Variants in GRM5 observed in about 807,000 individuals in gnomAD.
GRM5 encodes metabotropic glutamate receptor 5.
Under a neutral mutation model 83.1 loss-of-function variants are expected in GRM5, and 19 were observed. The observed-to-expected ratio is 0.23, with a 90% CI of 0.16 to 0.34. The LOEUF (loss-of-function observed/expected upper bound fraction) is 0.34, where lower values mean the gene tolerates loss of function less well. Ranked by LOEUF, GRM5 falls within the 10% of genes least tolerant of loss-of-function variation. The probability of loss-of-function intolerance (pLI) is 1.00; values close to 1 mark genes in which losing one functional copy is unlikely to be tolerated. For missense variants in GRM5, 1,160 were observed against 1,588.3 expected, an observed-to-expected ratio of 0.73 and a Z score of 4.58; for synonymous variants, 675 against 633.6, an observed-to-expected ratio of 1.07 and a Z score of -0.98.
chr11:88,600,621 C>CT (rs570695391), intron 5 of GRM5, among the ~76,000 whole-genome samples: 107 of 152,012 alleles, frequency 7.0e-4, no homozygotes, highest in Non-Finnish European at 1.2e-3. Flanking sequence ...TTAAGGTAAA[C>CT]TAGAGAAAGT....
At chr11:88,574,772 A>C (rs1453968698) in intron 7 of GRM5, among the ~76,000 whole-genome samples, 1 of 152,124 alleles carries the variant, frequency 6.6e-6, no homozygotes, top group African/African-American at 2.4e-5. Context: ...ATCTCAAAGA[A>C]AAAGAAATAT....
chr11:88,614,735 C>A (rs2220674), intron 4 of GRM5, among the ~76,000 whole-genome samples: 38,447 of 152,010 alleles, frequency 0.25, 4,908 homozygotes, highest in African/African-American at 0.3. Flanking sequence ...CAAGATAGAC[C>A]TGCACAGCAG....
intron 2 of GRM5, among the ~76,000 whole-genome samples, chr11:88,896,931 A>T (rs1945236891): frequency 6.6e-6 from 1 of 151,862 alleles, no homozygotes; most frequent in Non-Finnish European, 1.5e-5. Flanking sequence ...GACACATAAA[A>T]TTAACCATCA....
intron 1 of GRM5, among the ~76,000 whole-genome samples, chr11:89,061,170 C>T (rs1467964578): frequency 6.6e-6 from 1 of 152,010 alleles, no homozygotes; most frequent in Non-Finnish European, 1.5e-5. Flanking sequence ...TCGAGATACA[C>T]ATAAAAGTAC....
intron 3 of GRM5, among the ~76,000 whole-genome samples, chr11:88,810,100 T>C (rs1943563861): frequency 6.6e-6 from 1 of 152,026 alleles, no homozygotes; most frequent in South Asian, 2.1e-4. Context: ...GCATCTAATA[T>C]GATGACTTTC....
chr11:88,874,374 TG>T (rs1944816823), intron 2 of GRM5, among the ~76,000 whole-genome samples: 1 of 151,900 alleles, frequency 6.6e-6, no homozygotes, highest in Admixed American at 6.6e-5. Flanking sequence ...ATGATAAAAC[TG>T]GATACTCATA....
At chr11:88,873,386 T>G (rs1057495635) in intron 2 of GRM5, among the ~76,000 whole-genome samples, 1 of 151,606 alleles carries the variant, frequency 6.6e-6, no homozygotes, top group Non-Finnish European at 1.5e-5. Context: ...ACAGAAATAT[T>G]CACGTAACAG....
In GRM5 at chr11:88,567,550, G is replaced by A; in HGVS notation, c.2133C>T (p.Leu711=). 1 of 1,613,858 alleles carries A rather than the reference G, an allele frequency of 6.2e-7. No homozygotes were observed. The highest frequency in any genetic ancestry group is 8.5e-7 in the Non-Finnish European group (1 of 1,179,736). ...ICIQLGIIVA[L]FIMEPPDIMH... ...TTATGTCAGGAGGCTCCATTATAAAGAGGGCAACGATGATGCCCAACTGGA... is the reference window on the plus strand; with the variant it reads ...TTATGTCAGGAGGCTCCATTATAAAAAGGGCAACGATGATGCCCAACTGGA... Residue 711 remains leucine (L), a synonymous_variant, in exon 8 of 10, where the codon CTC becomes CTT. Transcript: ENST00000305447. This position sits in a 1 kb window ranked among gnomAD's most constrained non-coding sequence, Gnocchi z 7.3.
At chr11:88,666,430 A>C (rs1024068863) in intron 3 of GRM5, among the ~76,000 whole-genome samples, 6 of 152,134 alleles carry the variant, frequency 3.9e-5, no homozygotes, top group African/African-American at 1.4e-4. Context: ...CTCTTCCAGG[A>C]ACTAATCCAT....
At chr11:88,932,377 T>A (rs1345713667) in intron 2 of GRM5, among the ~76,000 whole-genome samples, 2 of 152,010 alleles carry the variant, frequency 1.3e-5, no homozygotes, top group Non-Finnish European at 2.9e-5. Context: ...AAAAAAGTTA[T>A]AATCATATAA....
intron 3 of GRM5, among the ~76,000 whole-genome samples, chr11:88,784,426 A>G (rs1351046764): frequency 6.6e-6 from 1 of 152,110 alleles, no homozygotes; most frequent in Non-Finnish European, 1.5e-5. Context: ...GCCACATATT[A>G]CACTAAGTGC....
At position 88,550,389 on chromosome 11, in the gene GRM5, G is replaced by T. The variant is rs11020366; in HGVS notation, c.2630+16664C>A. On this transcript the variant is annotated intron_variant, in intron 8 of 9. Transcript: ENST00000305447. ...AGAAGTAGTTTTCATTTGAAGAAAG[G>T]AAATAAAAATAAAACTGATAAAATG... 1.8e-3 allele frequency among the ~76,000 whole-genome samples: 274 copies of T among 152,230 alleles called. 2 individuals are homozygous for T. Among genetic ancestry groups the T allele is most frequent in the African/African-American group, 6.3e-3 (263 of 41,556 alleles).
At chr11:88,729,681 T>C (rs1236363817) in intron 3 of GRM5, among the ~76,000 whole-genome samples, 1 of 152,044 alleles carries the variant, frequency 6.6e-6, no homozygotes, top group African/African-American at 2.4e-5. Flanking sequence ...AACAGATAAA[T>C]AGACCAATGG....
rs567450407 is a variant in GRM5, at chr11:88,884,516, C to A, written c.662-34361G>T. Among the ~76,000 whole-genome samples the A allele has an allele frequency of 3.1e-4, 47 of 152,180 alleles. No individual in the cohort carries two copies. In the South Asian group the frequency reaches 9.1e-3, roughly 30 times the overall value. ...TTAGTTAATGCTGAAATGAGTTAAA[C>A]CTTTTGGGGACTGTTGGGAAAGTAT... is the stretch of plus-strand genomic sequence containing the variant. On this transcript the variant is annotated intron_variant, in intron 2 of 9. Coordinates refer to ENST00000305447, the MANE Select transcript of GRM5 (RefSeq NM_001143831.3).
chr11:88,848,983 T>C (rs1944344876), intron 3 of GRM5, among the ~76,000 whole-genome samples: 1 of 152,198 alleles, frequency 6.6e-6, no homozygotes, highest in Non-Finnish European at 1.5e-5. Flanking sequence ...GACTGAAACA[T>C]TGGCTCATCT....
intron 2 of GRM5, among the ~76,000 whole-genome samples, chr11:88,956,676 G>C (rs924861022): frequency 6.6e-6 from 1 of 152,180 alleles, no homozygotes; most frequent in Non-Finnish European, 1.5e-5. Context: ...CGCGGTGGCG[G>C]GGGCCTGTAG....
At chr11:88,813,489 A>G (rs980152768) in intron 3 of GRM5, among the ~76,000 whole-genome samples, 1 of 152,194 alleles carries the variant, frequency 6.6e-6, no homozygotes, top group Non-Finnish European at 1.5e-5. Context: ...TTAAAAAAAG[A>G]ATGCCAATGA....
At chr11:88,967,258 T>C (rs200403521) in intron 2 of GRM5, among the ~76,000 whole-genome samples, 2,163 of 29,394 alleles carry the variant, frequency 0.074, 52 homozygotes, top group African/African-American at 0.33. Flanking sequence ...CATATATATA[T>C]ATATATATAT....
chr11:88,551,384 A>C (rs1188449167), intron 8 of GRM5, among the ~76,000 whole-genome samples: 1 of 152,098 alleles, frequency 6.6e-6, no homozygotes, highest in Non-Finnish European at 1.5e-5. Context: ...CTCTTTTCTC[A>C]TCTACCTCCC....
Sources: gnomAD v4.1 joint callset for allele counts (sites outside exome capture counted in the v4.1 genomes callset) on GRCh38, gnomAD v4.1.1 for gene constraint, Gnocchi (gnomAD v3.1) non-coding constraint, MANE v1.5 for transcripts, NCBI Gene and HGNC (gene_info 2026-07-23, HGNC 2026-07-21) for gene names.